CHODL: variants seen among roughly 807,000 people sequenced by gnomAD.
The protein encoded by CHODL is transmembrane protein MT75.
CHODL carries 29 observed loss-of-function variants against 34.5 expected under a neutral mutation model. That is an observed-to-expected ratio of 0.84 (90% confidence interval 0.63 to 1.15). CHODL has a LOEUF of 1.15. CHODL is among the 50% of genes most tolerant of loss of function. CHODL has a pLI of 0.00. For missense variants in CHODL, 332 were observed against 332.5 expected, an observed-to-expected ratio of 1.00 and a Z score of 0.01; for synonymous variants, 125 against 116.1, an observed-to-expected ratio of 1.08 and a Z score of -0.49.
At chr21:18,020,487 A>G (rs2064117982) in intron 1 of CHODL, among the ~76,000 whole-genome samples, 1 of 152,216 alleles carries the variant, frequency 6.6e-6, no homozygotes, top group Non-Finnish European at 1.5e-5. Flanking sequence ...TACACCAAGT[A>G]ATATGTGGTA....
At chr21:17,961,789 C>G (rs758075335) in intron 1 of CHODL, among the ~76,000 whole-genome samples, 14 of 152,132 alleles carry the variant, frequency 9.2e-5, no homozygotes, top group Non-Finnish European at 2.1e-4. Flanking sequence ...AAAAGTGGCT[C>G]TCAAATATTA....
intron 2 of CHODL, among the ~76,000 whole-genome samples, chr21:18,179,975 T>G (rs990270559): frequency 7.2e-5 from 11 of 152,174 alleles, no homozygotes; most frequent in Admixed American, 1.3e-4. Context: ...AGTGATACCA[T>G]AGCTCTGCTA....
intron 1 of CHODL, among the ~76,000 whole-genome samples, chr21:18,021,913 C>T (rs937419390): frequency 3.3e-5 from 5 of 152,152 alleles, no homozygotes; most frequent in African/African-American, 1.2e-4. Flanking sequence ...ACCTTAAATT[C>T]ATATGTTGAA....
At chr21:18,192,137 G>A (rs145031544) in intron 2 of CHODL, among the ~76,000 whole-genome samples, 155 of 152,178 alleles carry the variant, frequency 1.0e-3, no homozygotes, top group Non-Finnish European at 1.6e-3. Context: ...ACAAGCTTAT[G>A]GCAAGGGAGG....
At chr21:17,959,371 G>A (rs1335131976) in intron 1 of CHODL, among the ~76,000 whole-genome samples, 1 of 152,108 alleles carries the variant, frequency 6.6e-6, no homozygotes, top group Non-Finnish European at 1.5e-5. Context: ...CTCAATGTCT[G>A]TTGTGAGTAT....
intron 1 of CHODL, among the ~76,000 whole-genome samples, chr21:17,925,835 G>A (rs2063218163): frequency 6.6e-6 from 1 of 152,086 alleles, no homozygotes; most frequent in African/African-American, 2.4e-5. Flanking sequence ...GTCAAATAGT[G>A]GACCCAATAT....
intron 1 of CHODL, among the ~76,000 whole-genome samples, chr21:17,983,258 C>A (rs2063728665): frequency 6.6e-6 from 1 of 152,146 alleles, no homozygotes; most frequent in African/African-American, 2.4e-5. Flanking sequence ...ACTGTGTGGA[C>A]ATAGTATATG....
chr21:18,100,601 C>T (rs887854720), intron 2 of CHODL, among the ~76,000 whole-genome samples: 1 of 152,146 alleles, frequency 6.6e-6, no homozygotes, highest in East Asian at 1.9e-4. Flanking sequence ...CAAAAAGAAA[C>T]AGTTTGAATT....
chr21:18,029,243 G>A (rs536093749), intron 2 of CHODL, among the ~76,000 whole-genome samples: 3 of 152,036 alleles, frequency 2.0e-5, no homozygotes, highest in East Asian at 3.9e-4. Context: ...CAGACTCTAG[G>A]CAATGTGTTA....
chr21:18,019,959 T>C (rs936448049), intron 1 of CHODL, among the ~76,000 whole-genome samples: 1 of 152,122 alleles, frequency 6.6e-6, no homozygotes, highest in East Asian at 1.9e-4. Context: ...GACCAAAACA[T>C]GTCACATGGC....
upstream of CHODL, among the ~76,000 whole-genome samples, chr21:18,239,982 G>A (rs914451273): frequency 6.6e-6 from 1 of 152,008 alleles, no homozygotes; most frequent in Non-Finnish European, 1.5e-5. Flanking sequence ...GATGGAAGAT[G>A]TTAAGCTTTT....
intron 2 of CHODL, among the ~76,000 whole-genome samples, chr21:18,218,011 G>T (rs554341119): frequency 6.6e-6 from 1 of 152,204 alleles, no homozygotes; most frequent in Non-Finnish European, 1.5e-5. Flanking sequence ...ACTGTGTACA[G>T]TCCCACTCTG....
intron 2 of CHODL, among the ~76,000 whole-genome samples, chr21:18,031,200 G>A (rs2064244136): frequency 6.6e-6 from 1 of 152,118 alleles, no homozygotes; most frequent in African/African-American, 2.4e-5. Flanking sequence ...ACTTCTCATG[G>A]CAACCAATGC....
intron 1 of CHODL, among the ~76,000 whole-genome samples, chr21:17,932,335 G>A (rs963354645): frequency 2.0e-5 from 3 of 152,156 alleles, no homozygotes; most frequent in African/African-American, 7.2e-5. Flanking sequence ...AGAGAAAAGG[G>A]AACACTTATA....
At chr21:18,033,036 T>C (rs1175766801) in intron 2 of CHODL, among the ~76,000 whole-genome samples, 1 of 152,006 alleles carries the variant, frequency 6.6e-6, no homozygotes, top group African/African-American at 2.4e-5. Context: ...ATGCATCACA[T>C]ATTAAATTCT....
At chr21:18,092,018 G>A (rs1481930235) in intron 2 of CHODL, among the ~76,000 whole-genome samples, 1 of 152,164 alleles carries the variant, frequency 6.6e-6, no homozygotes, top group African/African-American at 2.4e-5. Context: ...TTCAGGCCCT[G>A]GGGGAAATTG....
At chr21:18,026,552 T>C (rs2064177777) in intron 1 of CHODL, among the ~76,000 whole-genome samples, 1 of 152,198 alleles carries the variant, frequency 6.6e-6, no homozygotes, top group Admixed American at 6.5e-5. Context: ...AACTAATTGA[T>C]GGCATATGGA....
chr21:18,193,711 TAAAATA>T (rs1218432142), intron 2 of CHODL, among the ~76,000 whole-genome samples: 2 of 119,708 alleles, frequency 1.7e-5, no homozygotes, highest in Non-Finnish European at 3.3e-5. Flanking sequence ...AAAAAAAAAA[TAAAATA>T]AATAAATAAA....
intron 1 of CHODL, among the ~76,000 whole-genome samples, chr21:18,251,078 A>G (rs1228700246): frequency 6.6e-6 from 1 of 151,656 alleles, no homozygotes; most frequent in Non-Finnish European, 1.5e-5. Context: ...ACCAAATTAT[A>G]GATCCTTTCT....
Sources: gnomAD v4.1 joint callset for allele counts (sites outside exome capture counted in the v4.1 genomes callset) on GRCh38, gnomAD v4.1.1 for gene constraint, MANE v1.5 for transcripts, NCBI Gene and HGNC (gene_info 2026-07-23, HGNC 2026-07-21) for gene names.